Variants in LUC7L3 observed in about 807,000 individuals in gnomAD.
LUC7L3 encodes the protein luc7-like protein 3.
A neutral mutation model predicts 66.8 loss-of-function variants in LUC7L3; 6 were observed. The ratio of observed to expected loss-of-function variants is 0.09; its 90% CI spans 0.05 to 0.18. The LOEUF (loss-of-function observed/expected upper bound fraction) is 0.18, where lower values mean the gene tolerates loss of function less well. Among genes scored for constraint, LUC7L3 ranks in the 10% least tolerant of loss-of-function variants. LUC7L3 has a pLI of 1.00. For synonymous variants in LUC7L3, 160 were observed against 174.7 expected (o/e 0.92, Z 0.66); for missense variants, 341 against 531.1 (o/e 0.64, Z 3.52).
chr17:50,737,562 G>C, intron 2 of LUC7L3: 1 of 215,694 alleles, frequency 4.6e-6, no homozygotes, highest in Non-Finnish European at 9.5e-6. Flanking sequence ...TCTCAACCTT[G>C]ACATTGTTGA....
chr17:50,729,942 ATATG>A (rs1226750974), intron 1 of LUC7L3, among the ~76,000 whole-genome samples: 6 of 30,840 alleles, frequency 1.9e-4, no homozygotes, highest in African/African-American at 5.6e-4. Context: ...ATATATATAT[ATATG>A]TATGTATTTT....
intron 1 of LUC7L3, among the ~76,000 whole-genome samples, chr17:50,732,683 A>G (rs1969692986): frequency 6.6e-6 from 1 of 150,548 alleles, no homozygotes; most frequent in Non-Finnish European, 1.5e-5. Flanking sequence ...GGCCCAGCCT[A>G]TCTCCTTTTT....
rs755251346 is a variant in LUC7L3, at chr17:50,741,162, A to G, written c.267A>G (p.Leu89=). 15 of 1,614,170 alleles carry G rather than the reference A, an allele frequency of 9.3e-6. No homozygotes were observed. The South Asian group carries it at 1.6e-4, about 18-fold the overall frequency. ...VGYERDFLRY[L]QSLLAEVERR... is the part of the protein sequence containing the mutation. Reference sequence around the variant, plus strand: ...ATGAGAGAGATTTTTTGCGATACTTACAGAGCTTACTTGCAGAAGTAGAAC... The same window carrying G: ...ATGAGAGAGATTTTTTGCGATACTTGCAGAGCTTACTTGCAGAAGTAGAAC... The change falls in exon 4 of 10, where the codon TTA becomes TTG. Residue 89 remains leucine, a synonymous_variant. Transcript: ENST00000505658.
intron 9 of LUC7L3, chr17:50,749,258 A>T (rs1196239146): frequency 7.8e-7 from 1 of 1,289,046 alleles, no homozygotes; most frequent in African/African-American, 1.5e-5. Flanking sequence ...CTAGTCCTCT[A>T]CGGGACAACA....
chr17:50,745,693 C>T, intron 7 of LUC7L3, 27 bp from the exon 8 acceptor site: 2 of 1,553,824 alleles, frequency 1.3e-6, no homozygotes, highest in Non-Finnish European at 1.7e-6. Context: ...GTTACATTTG[C>T]ATAAGAATCC....
Position 50,746,673 on chromosome 17 carries a change from G to C in LUC7L3, c.1109G>C (p.Arg370Thr), listed in dbSNP as rs372521753. ...SYKHRSKSRD[R>T]EQDRKSKEKE... ...AAGCACAGGAGCAAAAGTCGGGACA[G>C]AGAACAAGATAGAAAATCCAAGGAG... Residue 370 changes from arginine to threonine, a missense_variant, in exon 9 of 10, where the codon AGA (arginine) becomes ACA (threonine). Around this residue, in one of 6 missense-constraint regions of LUC7L3, gnomAD observed 210 missense variants for 238.1 expected, o/e 0.88. Transcript: ENST00000505658. 24 of 1,613,886 alleles carry C rather than the reference G, an allele frequency of 1.5e-5. No homozygotes were observed. In the African/African-American group the frequency reaches 2.9e-4, roughly 20 times the overall value.
At chr17:50,735,612 CCTT>C (rs981502658) in intron 1 of LUC7L3, among the ~76,000 whole-genome samples, 3 of 152,036 alleles carry the variant, frequency 2.0e-5, no homozygotes, top group African/African-American at 7.2e-5. Flanking sequence ...CTCAAGCAAT[CCTT>C]CTGCCTCAGC....
chr17:50,733,249 T>G (rs1301941244), intron 1 of LUC7L3, among the ~76,000 whole-genome samples: 3 of 77,026 alleles, frequency 3.9e-5, no homozygotes, highest in South Asian at 2.9e-4. Context: ...TAAAACTTTG[T>G]TTTTTTTTTT....
chr17:50,755,024 CAAA>C lies in LUC7L3; in HGVS notation c.*4367_*4369del, dbSNP rs1220331451. The C allele has an allele frequency of 6.6e-6, 1 of 151,968 alleles. No individual in the cohort carries two copies. Among genetic ancestry groups the C allele is most frequent in the Admixed American group, 6.5e-5 (1 of 15,274 alleles). 9.4% of individuals were successfully genotyped at this position (151,968 alleles called of 1,614,324 possible). ...TTAAACATCTGATATGTGCATGAAA[CAAA>C]AAACACTTGAAGTTATTATGTATAC... is the stretch of plus-strand genomic sequence containing the variant. On this transcript the variant is annotated 3_prime_UTR_variant, in exon 10 of 10. Coordinates refer to ENST00000505658, the MANE Select transcript of LUC7L3 (RefSeq NM_016424.5).
chr17:50,719,861 G>A, intron 1 of LUC7L3, 30 bp downstream of exon 1: 1 of 1,577,612 alleles, frequency 6.3e-7, no homozygotes. Flanking sequence ...GCCTGAGCCC[G>A]GGCTCCGTGG....
chr17:50,728,781 T>G (rs535389007), intron 1 of LUC7L3, among the ~76,000 whole-genome samples: 5 of 152,370 alleles, frequency 3.3e-5, no homozygotes, highest in African/African-American at 1.2e-4. Context: ...CTCAAACTCC[T>G]GGCTTCAAGT....
At chr17:50,722,773 T>G (rs1968880390) in intron 1 of LUC7L3, 1 of 152,182 alleles carries the variant, frequency 6.6e-6, no homozygotes, top group South Asian at 2.1e-4. Flanking sequence ...ACCAAGGTAT[T>G]TTACTGGGGC....
chr17:50,743,496 G>A (rs573640440), intron 5 of LUC7L3, among the ~76,000 whole-genome samples: 12 of 152,230 alleles, frequency 7.9e-5, no homozygotes, highest in East Asian at 1.9e-4. Context: ...ATGAGCCATC[G>A]CGTCTGGCCG....
chr17:50,745,616 A>C (rs1229034341), intron 7 of LUC7L3, 104 bp from the exon 8 acceptor site: 3 of 792,402 alleles, frequency 3.8e-6, no homozygotes, highest in Non-Finnish European at 4.1e-6. Flanking sequence ...CCTTAAGGGC[A>C]TCAATTCCAT....
intron 1 of LUC7L3, among the ~76,000 whole-genome samples, chr17:50,727,215 G>A (rs1298424853): frequency 6.6e-6 from 1 of 152,174 alleles, no homozygotes; most frequent in African/African-American, 2.4e-5. Flanking sequence ...GGGAGTTAGG[G>A]TCAGTAACTC....
At chr17:50,733,668 T>C (rs1428385549) in intron 1 of LUC7L3, among the ~76,000 whole-genome samples, 1 of 152,214 alleles carries the variant, frequency 6.6e-6, no homozygotes, top group Non-Finnish European at 1.5e-5. Context: ...CCCAAAGTGC[T>C]GGGATTACAG....
At chr17:50,723,927 G>A (rs372611141) in intron 1 of LUC7L3, 105 of 454,490 alleles carry the variant, frequency 2.3e-4, no homozygotes, top group East Asian at 1.1e-3. Context: ...GAGCCACTGC[G>A]CCCGGCTGGC....
At chr17:50,749,266 A>G in intron 9 of LUC7L3, 1 of 1,289,274 alleles carries the variant, frequency 7.8e-7, no homozygotes, top group Non-Finnish European at 1.0e-6. Context: ...CTACGGGACA[A>G]CAAGACGACT....
intron 7 of LUC7L3, among the ~76,000 whole-genome samples, chr17:50,745,225 C>T (rs1269231402): frequency 6.6e-6 from 1 of 152,024 alleles, no homozygotes; most frequent in African/African-American, 2.4e-5. Flanking sequence ...ACTCCTGCCT[C>T]AGGTGATCCG....
Sources: allele counts gnomAD v4.1 joint callset (sites outside exome capture counted in the v4.1 genomes callset), GRCh38; gene constraint gnomAD v4.1.1; regional missense constraint gnomAD v4.1.1; transcripts MANE v1.5; gene names NCBI Gene and HGNC (gene_info 2026-07-23, HGNC 2026-07-21).